The following TNS1 variants were observed in gnomAD, a reference collection of about 807,000 sequenced individuals.
TNS1 encodes the protein tensin 1.
In TNS1, 62 loss-of-function variants were observed where a neutral mutation model predicts 168.6. The ratio of observed to expected loss-of-function variants is 0.37; its 90% CI spans 0.30 to 0.45. TNS1 has a LOEUF of 0.45. TNS1 is among the 20% of genes least tolerant of loss of function. The pLI is 1.00. For synonymous variants in TNS1, 934 were observed against 933.2 expected (o/e 1.00, Z -0.02); for missense variants, 2,240 against 2,339.4 (o/e 0.96, Z 0.88).
At chr2:217,911,458 C>T (rs1378748460) in intron 4 of TNS1, among the ~76,000 whole-genome samples, 3 of 152,218 alleles carry the variant, frequency 2.0e-5, no homozygotes, top group African/African-American at 7.2e-5. Context: ...GTGATGACTC[C>T]TCAGATCTTG....
At chr2:217,850,484 G>A (rs1947313596) in intron 18 of TNS1, 2 of 984,916 alleles carry the variant, frequency 2.0e-6, no homozygotes, top group Non-Finnish European at 2.4e-6. Context: ...GTGGCTCGGG[G>A]CCAAAGGGCT....
rs1312885537 is a variant in TNS1 at position 217,948,815 on chromosome 2, GC to G, written c.187-28580del. Among the ~76,000 whole-genome samples, 8 of 152,182 alleles carry G rather than the reference GC, an allele frequency of 5.3e-5. No homozygotes were observed. Among genetic ancestry groups the G allele is most frequent in the African/African-American group, 1.9e-4 (8 of 41,434 alleles). Reference sequence around the variant, plus strand: ...CTGTGTCCTCTATGACATCTCATTGGCATGCATCTGCATTTGCATCCTCTCT... The same window carrying G: ...CTGTGTCCTCTATGACATCTCATTGGATGCATCTGCATTTGCATCCTCTCT... On this transcript the variant is annotated intron_variant, in intron 3 of 32. Coordinates refer to ENST00000682258, the MANE Select transcript of TNS1 (RefSeq NM_001387777.1). This position sits in a 1 kb window ranked among gnomAD's most constrained non-coding sequence, Gnocchi z 4.1.
intron 4 of TNS1, among the ~76,000 whole-genome samples, chr2:217,914,299 C>T (rs958181383): frequency 1.1e-4 from 17 of 152,280 alleles, no homozygotes; most frequent in African/African-American, 3.9e-4. Context: ...CTACTTGGGC[C>T]TTTCAAAGTG....
chr2:217,958,651 C>G (rs370991221), intron 3 of TNS1, among the ~76,000 whole-genome samples: 4 of 152,188 alleles, frequency 2.6e-5, no homozygotes, highest in African/African-American at 9.7e-5. Context: ...GAGAAGCGAC[C>G]TTCTCAACGC....
intron 9 of TNS1, among the ~76,000 whole-genome samples, chr2:217,893,766 A>T (rs1672683735): frequency 6.6e-6 from 1 of 152,180 alleles, no homozygotes; most frequent in South Asian, 2.1e-4. Flanking sequence ...AGTACTGGGG[A>T]CCCTGGTCCC....
chr2:217,886,661 G>A lies in TNS1; in HGVS notation c.867-15C>T, dbSNP rs1355628795. 6.4e-7 allele frequency: 1 copy of A among 1,558,880 alleles called. No homozygotes were observed. Among genetic ancestry groups the A allele is most frequent in the South Asian group, 1.2e-5 (1 of 85,114 alleles). On this transcript the variant is annotated splice_polypyrimidine_tract_variant and intron_variant, in intron 12 of 32. Coordinates refer to ENST00000682258, the MANE Select transcript of TNS1 (RefSeq NM_001387777.1). ...AATGCACGTACCTGTAGTGGTGGGAGAAGCAGCTTCAGGGAGTGAGGTGGG... is the reference window on the plus strand; with the variant it reads ...AATGCACGTACCTGTAGTGGTGGGAAAAGCAGCTTCAGGGAGTGAGGTGGG...
chr2:217,848,520 G>A lies in TNS1; in HGVS notation c.1997C>T (p.Thr666Ile), dbSNP rs770858410. The A allele has an allele frequency of 2.9e-5, 47 of 1,613,584 alleles. No homozygotes were observed. The South Asian group carries it at 4.7e-4, about 16-fold the overall frequency. Reference protein sequence around the residue: ...GGYPEALSPLTNGLDKSYPME... With the variant: ...GGYPEALSPLINGLDKSYPME... Reference sequence around the variant, plus strand: ...GGGGTAGGACTTGTCCAGACCGTTGGTCAGTGGGGACAGGGCCTCTGGGTA... The same window carrying A: ...GGGGTAGGACTTGTCCAGACCGTTGATCAGTGGGGACAGGGCCTCTGGGTA... Residue 666 changes from threonine to isoleucine, a missense_variant, in exon 19 of 33, where the codon ACC (threonine) becomes ATC (isoleucine). Around this residue, in one of 2 missense-constraint regions of TNS1, gnomAD observed 2,131 missense variants for 2,171.2 expected, o/e 0.98. Coordinates refer to ENST00000682258, the MANE Select transcript of TNS1 (RefSeq NM_001387777.1).
In TNS1 at chr2:217,809,876, G is replaced by A. The variant is rs1159313588; in HGVS notation, c.5220C>T (p.Ile1740=). 3.1e-6 allele frequency: 5 copies of A among 1,614,006 alleles called. No homozygotes were observed. The highest frequency in any genetic ancestry group is 2.2e-5 in the East Asian group (1 of 44,886). The change falls in exon 30 of 33, where the codon ATC becomes ATT. Residue 1740 remains isoleucine, a synonymous_variant. Transcript: ENST00000682258. ...CCTGGGCAGAGACTTTGAAGTGAAC[G>A]ATGGTGGCAGCTGGCGTGGGGTCTG... The part of the protein sequence containing the change: ...LAADPTPAAT[I]VHFKVSAQGI...
intron 12 of TNS1, 56 bp from the exon 13 acceptor site, chr2:217,886,702 C>T: frequency 2.3e-6 from 3 of 1,312,666 alleles, no homozygotes; most frequent in Non-Finnish European, 3.2e-6. Flanking sequence ...GTGCAGTAAT[C>T]CCTGTTCTCT....
intron 2 of TNS1, among the ~76,000 whole-genome samples, chr2:217,979,650 A>G (rs1425853502): frequency 6.6e-6 from 1 of 151,744 alleles, no homozygotes; most frequent in South Asian, 2.1e-4. Context: ...CCCACCCCCC[A>G]GGGCTCTGGG....
At chr2:217,853,686 G>A (rs146183109) in intron 18 of TNS1, among the ~76,000 whole-genome samples, 191 of 152,346 alleles carry the variant, frequency 1.3e-3, no homozygotes, top group African/African-American at 4.4e-3. Flanking sequence ...AGCAGCTGCA[G>A]AGAGTTCCAG....
intron 4 of TNS1, among the ~76,000 whole-genome samples, chr2:217,908,818 G>A (rs568498386): frequency 2.6e-5 from 4 of 152,152 alleles, no homozygotes; most frequent in South Asian, 2.1e-4. Context: ...GGGTTGGGGG[G>A]ACAGGGGCCA....
chr2:217,911,275 A>G (rs774361091), intron 4 of TNS1, among the ~76,000 whole-genome samples: 12 of 152,210 alleles, frequency 7.9e-5, no homozygotes, highest in Non-Finnish European at 1.2e-4. Context: ...GTTTGAACCT[A>G]TCACTACCTG....
intron 18 of TNS1, among the ~76,000 whole-genome samples, chr2:217,856,724 C>T (rs1948182931): frequency 6.6e-6 from 1 of 152,092 alleles, no homozygotes; most frequent in Admixed American, 6.5e-5. Context: ...GTAAAAATAG[C>T]TCCAGAGCCC....
At chr2:217,894,384 C>T (rs1175197975) in intron 9 of TNS1, among the ~76,000 whole-genome samples, 4 of 152,340 alleles carry the variant, frequency 2.6e-5, no homozygotes, top group South Asian at 2.1e-4. Context: ...GGTCCAGACG[C>T]GCTGGCCCAT....
chr2:217,839,920 A>C (rs1945716648), intron 19 of TNS1, among the ~76,000 whole-genome samples: 1 of 152,230 alleles, frequency 6.6e-6, no homozygotes, highest in Non-Finnish European at 1.5e-5. Flanking sequence ...TCACACTAGC[A>C]GCCCTAGGGC....
At chr2:217,896,297 T>C (rs114706737) in intron 8 of TNS1, among the ~76,000 whole-genome samples, 99 of 152,366 alleles carry the variant, frequency 6.5e-4, no homozygotes, top group African/African-American at 2.2e-3. Flanking sequence ...CAAAACGTCA[T>C]GTCCACCCAG....
chr2:217,887,883 G>A (rs889027912), intron 12 of TNS1, among the ~76,000 whole-genome samples: 1 of 152,154 alleles, frequency 6.6e-6, no homozygotes, highest in Admixed American at 6.5e-5. Context: ...TTTCTGATTG[G>A]CCATGGAATG....
At chr2:217,851,667 T>C (rs563896339) in intron 18 of TNS1, among the ~76,000 whole-genome samples, 24 of 152,242 alleles carry the variant, frequency 1.6e-4, no homozygotes, top group African/African-American at 5.5e-4. Flanking sequence ...AAATACATTC[T>C]GAATCTCCAC....
Sources: allele counts gnomAD v4.1 joint callset (sites outside exome capture counted in the v4.1 genomes callset), GRCh38; gene constraint gnomAD v4.1.1; regional missense constraint gnomAD v4.1.1; non-coding constraint Gnocchi (gnomAD v3.1); transcripts MANE v1.5; gene names NCBI Gene and HGNC (gene_info 2026-07-23, HGNC 2026-07-21).